The following GSE1 variants were observed in gnomAD, a reference collection of about 807,000 sequenced individuals.
The protein encoded by GSE1 is genetic suppressor element 1.
In GSE1, 32 loss-of-function variants were observed where a neutral mutation model predicts 112.6. The observed-to-expected ratio is 0.28, with a 90% CI of 0.21 to 0.38. The LOEUF (loss-of-function observed/expected upper bound fraction) is 0.38, where lower values mean the gene tolerates loss of function less well. GSE1 is among the 10% of genes least tolerant of loss of function. The pLI, the probability that GSE1 is intolerant of heterozygous loss-of-function variation, is 1.00. For synonymous variants in GSE1, 1,115 were observed against 735.6 expected (o/e 1.52, Z -8.35); for missense variants, 2,348 against 1,699.2 (o/e 1.38, Z -6.71).
chr16:85,620,036 C>A (rs1028864551), intron 1 of GSE1, among the ~76,000 whole-genome samples: 1 of 152,172 alleles, frequency 6.6e-6, no homozygotes, highest in Non-Finnish European at 1.5e-5. Flanking sequence ...TGGCTCAAGC[C>A]TGTAATCCCA....
At chr16:85,309,277 G>A (rs904033054) in intron 1 of GSE1, among the ~76,000 whole-genome samples, 12 of 152,114 alleles carry the variant, frequency 7.9e-5, no homozygotes, top group African/African-American at 2.9e-4. Context: ...CTAGAGGATC[G>A]CTTGAAGCCA....
At chr16:85,305,772 C>A (rs555055587) in intron 1 of GSE1, among the ~76,000 whole-genome samples, 9 of 152,116 alleles carry the variant, frequency 5.9e-5, no homozygotes, top group Non-Finnish European at 1.0e-4. Context: ...CACTGCACTC[C>A]GCCCAGCATC....
At chr16:85,670,331 A>G (rs901434097) in intron 14 of GSE1, among the ~76,000 whole-genome samples, 1 of 152,092 alleles carries the variant, frequency 6.6e-6, no homozygotes, top group African/African-American at 2.4e-5. Flanking sequence ...ACTTTAAAGC[A>G]TCCCATTAAA....
chr16:85,339,718 C>A (rs1391870332), intron 1 of GSE1, among the ~76,000 whole-genome samples: 1 of 152,080 alleles, frequency 6.6e-6, no homozygotes, highest in Non-Finnish European at 1.5e-5. Context: ...GACTCTTAAT[C>A]CTTTGCTGGT....
intron 1 of GSE1, among the ~76,000 whole-genome samples, chr16:85,619,075 C>G (rs1028524845): frequency 4.3e-4 from 66 of 152,226 alleles, no homozygotes; most frequent in African/African-American, 1.6e-3. Flanking sequence ...TTTTTCTGCC[C>G]TAAGGCTCAA....
intron 2 of GSE1, among the ~76,000 whole-genome samples, chr16:85,447,089 C>T (rs2049537070): frequency 6.6e-6 from 1 of 152,228 alleles, no homozygotes; most frequent in African/African-American, 2.4e-5. Context: ...TCGGGCCTCT[C>T]ACTCTGGGCC....
intron 2 of GSE1, among the ~76,000 whole-genome samples, chr16:85,474,661 TC>T (rs1464757025): frequency 8.5e-6 from 1 of 118,304 alleles, no homozygotes; most frequent in Non-Finnish European, 1.7e-5. Context: ...CCCCCCCTCT[TC>T]CCCCTCCTCT....
At chr16:85,243,729 C>T (rs568870087) in intron 1 of GSE1, among the ~76,000 whole-genome samples, 4 of 152,268 alleles carry the variant, frequency 2.6e-5, no homozygotes, top group Admixed American at 6.5e-5. Flanking sequence ...TGTGTGGACG[C>T]GTGGCAGATT....
chr16:85,596,133 G>A (rs1442004240), intron 1 of GSE1, among the ~76,000 whole-genome samples: 2 of 151,786 alleles, frequency 1.3e-5, no homozygotes, highest in Non-Finnish European at 2.9e-5. Context: ...TGGTCTAAAG[G>A]TAGGATCTTT....
chr16:85,528,444 C>T (rs1306113338), intron 2 of GSE1, among the ~76,000 whole-genome samples: 2 of 151,542 alleles, frequency 1.3e-5, no homozygotes, highest in East Asian at 1.9e-4. Flanking sequence ...CCCGGGTAGC[C>T]GGGACTACAG....
At chr16:85,542,917 C>T (rs1052814152) in intron 2 of GSE1, among the ~76,000 whole-genome samples, 1 of 152,186 alleles carries the variant, frequency 6.6e-6, no homozygotes. Flanking sequence ...CTGTTTTTAG[C>T]GTAAATGCCC....
intron 14 of GSE1, 132 bp downstream of exon 14, chr16:85,668,556 A>G: frequency 4.6e-6 from 3 of 651,704 alleles, no homozygotes; most frequent in Non-Finnish European, 7.8e-6. Flanking sequence ...AGTAGATATG[A>G]ATACTGGAAG....
chr16:85,594,593 G>T (rs1298784153), intron 1 of GSE1: 1 of 152,244 alleles, frequency 6.6e-6, no homozygotes, highest in Admixed American at 6.5e-5. Flanking sequence ...CTACATCAGA[G>T]TGCAGGTTCG....
chr16:85,509,565 G>T (rs548195913), intron 2 of GSE1, among the ~76,000 whole-genome samples: 5 of 152,352 alleles, frequency 3.3e-5, no homozygotes, highest in African/African-American at 9.6e-5. Context: ...TCATCAGCTT[G>T]CCTGGTGCTT....
chr16:85,671,202 G>C, intron 15 of GSE1, 104 bp downstream of exon 15: 2 of 640,874 alleles, frequency 3.1e-6, no homozygotes, highest in Non-Finnish European at 5.5e-6. Flanking sequence ...GCTCTTAAGA[G>C]ATCAAAATTT....
intron 2 of GSE1, among the ~76,000 whole-genome samples, chr16:85,522,870 TTGTTGTGTGCA>T (rs1275457661): frequency 2.0e-5 from 3 of 151,684 alleles, no homozygotes; most frequent in Non-Finnish European, 4.4e-5. Flanking sequence ...GTGTGTGACT[TTGTTGTGTGCA>T]TGGCTGTGTG....
At chr16:85,513,942 G>C (rs1330130239) in intron 2 of GSE1, among the ~76,000 whole-genome samples, 1 of 152,122 alleles carries the variant, frequency 6.6e-6, no homozygotes, top group Non-Finnish European at 1.5e-5. Context: ...CTGCATTTCT[G>C]CTCCCAGGTG....
chr16:85,540,164 A>G (rs932887765), intron 2 of GSE1, among the ~76,000 whole-genome samples: 1 of 152,144 alleles, frequency 6.6e-6, no homozygotes, highest in African/African-American at 2.4e-5. Flanking sequence ...AGCTCATTGT[A>G]TATGAAACAT....
chr16:85,655,623 A>C, intron 5 of GSE1, 103 bp from the exon 6 acceptor site: 1 of 693,178 alleles, frequency 1.4e-6, no homozygotes, highest in Non-Finnish European at 2.5e-6. Flanking sequence ...CACGTTCCCC[A>C]CGCTCAGGCA....
Sources: allele counts gnomAD v4.1 joint callset (sites outside exome capture counted in the v4.1 genomes callset), GRCh38; gene constraint gnomAD v4.1.1; transcripts MANE v1.5; gene names NCBI Gene and HGNC (gene_info 2026-07-23, HGNC 2026-07-21).